The following LIMCH1 variants were observed in gnomAD, a reference collection of about 807,000 sequenced individuals.
LIMCH1 encodes LIM and calponin homology domains-containing protein 1.
LIMCH1 carries 113 observed loss-of-function variants against 176.5 expected under a neutral mutation model. The observed-to-expected ratio is 0.64, with a 90% CI of 0.55 to 0.75. The LOEUF is 0.75. Among genes scored for constraint, LIMCH1 ranks in the 30% least tolerant of loss-of-function variants. The pLI is 0.00. For missense variants in LIMCH1, 1,674 were observed against 1,814.9 expected (o/e 0.92, Z 1.41); for synonymous variants, 619 against 645.9 (o/e 0.96, Z 0.63).
intron 1 of LIMCH1, among the ~76,000 whole-genome samples, chr4:41,377,936 G>A (rs899303737): frequency 6.6e-6 from 1 of 152,170 alleles, no homozygotes; most frequent in African/African-American, 2.4e-5. Flanking sequence ...ACCTCCCAAA[G>A]GTTCTATTTT....
intron 1 of LIMCH1, among the ~76,000 whole-genome samples, chr4:41,460,939 A>G (rs1416297538): frequency 6.6e-6 from 1 of 152,128 alleles, no homozygotes; most frequent in African/African-American, 2.4e-5. Flanking sequence ...GTTGTTTTTA[A>G]TATTTTTTTA....
At chr4:41,462,958 C>T (rs1196550831) in intron 1 of LIMCH1, among the ~76,000 whole-genome samples, 1 of 151,890 alleles carries the variant, frequency 6.6e-6, no homozygotes, top group Non-Finnish European at 1.5e-5. Flanking sequence ...ACACATTGGT[C>T]TCTCATGTGT....
chr4:41,632,898 A>C (rs1180904632), intron 11 of LIMCH1, 31 bp downstream of exon 11: 2 of 1,526,908 alleles, frequency 1.3e-6, no homozygotes, highest in Non-Finnish European at 1.8e-6. Flanking sequence ...CCTTCCCGGG[A>C]GGTGAAGGAG....
chr4:41,406,246 T>C lies in LIMCH1; in HGVS notation c.96+45310T>C, dbSNP rs372157204. ...CCACTTTATAGACCTGTTCTGACTCTGGTCTAAGGACATTACTTGATTTAT... is the reference window on the plus strand; with the variant it reads ...CCACTTTATAGACCTGTTCTGACTCCGGTCTAAGGACATTACTTGATTTAT... On this transcript the variant is annotated intron_variant, in intron 1 of 26. Transcript: ENST00000313860. Among the ~76,000 whole-genome samples the C allele has an allele frequency of 7.9e-5, 12 of 152,368 alleles. No homozygotes were observed. In the South Asian group the frequency reaches 2.5e-3, roughly 32 times the overall value.
Position 41,451,208 on chromosome 4 carries a change from C to T in LIMCH1, c.97-43328C>T, listed in dbSNP as rs536829555. Among the ~76,000 whole-genome samples, 360 of 152,152 alleles carry T rather than the reference C, an allele frequency of 2.4e-3. 5 individuals carry two copies. Among genetic ancestry groups the T allele is most frequent in the Non-Finnish European group, 2.8e-3 (189 of 68,006 alleles). The stretch of plus-strand genomic sequence containing the variant: ...TTGGCTCACCGCAACCTCCGCCTCC[C>T]GGGTTCAAGCTATTCTCCTGCCTCA... On this transcript the variant is annotated intron_variant, in intron 1 of 26. Transcript: ENST00000313860.
chr4:41,676,876 T>C (rs1377165893), intron 23 of LIMCH1, among the ~76,000 whole-genome samples: 1 of 152,084 alleles, frequency 6.6e-6, no homozygotes, highest in Non-Finnish European at 1.5e-5. Context: ...TGCTCTACCT[T>C]TGAGGGCTGG....
intron 1 of LIMCH1, among the ~76,000 whole-genome samples, chr4:41,457,680 G>A (rs1007319931): frequency 2.6e-5 from 4 of 152,164 alleles, no homozygotes; most frequent in South Asian, 2.1e-4. Flanking sequence ...CATCCCTAAC[G>A]AAGGTGAAGG....
At chr4:41,648,261 CT>C (rs960400490) in intron 17 of LIMCH1, among the ~76,000 whole-genome samples, 10 of 152,250 alleles carry the variant, frequency 6.6e-5, no homozygotes, top group Non-Finnish European at 1.3e-4. Context: ...TAGATGTCCA[CT>C]TTCCCTCCTT....
intron 1 of LIMCH1, among the ~76,000 whole-genome samples, chr4:41,380,074 G>A (rs916494143): frequency 2.0e-5 from 3 of 152,120 alleles, no homozygotes; most frequent in African/African-American, 7.2e-5. Flanking sequence ...CAAAGTGCTA[G>A]GATTACAGGT....
At chr4:41,582,670 A>G (rs1186999863) in intron 1 of LIMCH1, among the ~76,000 whole-genome samples, 1 of 152,194 alleles carries the variant, frequency 6.6e-6, no homozygotes, top group African/African-American at 2.4e-5. Context: ...TAATAATAGT[A>G]TCTACCTCAT....
chr4:41,565,199 G>T (rs895525109), intron 1 of LIMCH1, among the ~76,000 whole-genome samples: 26 of 152,060 alleles, frequency 1.7e-4, no homozygotes, highest in Non-Finnish European at 3.5e-4. Context: ...TATTGGAGTG[G>T]TTTTCTTTTC....
At chr4:41,440,580 T>G (rs2062593077) in intron 1 of LIMCH1, among the ~76,000 whole-genome samples, 1 of 152,226 alleles carries the variant, frequency 6.6e-6, no homozygotes, top group Non-Finnish European at 1.5e-5. Context: ...GCTCCCAGGC[T>G]GGAGTGCAGT....
intron 1 of LIMCH1, among the ~76,000 whole-genome samples, chr4:41,473,620 G>A (rs2067309173): frequency 6.6e-6 from 1 of 152,092 alleles, no homozygotes; most frequent in Admixed American, 6.5e-5. Context: ...GAAAACATAG[G>A]GGAAAACTCC....
intron 1 of LIMCH1, among the ~76,000 whole-genome samples, chr4:41,437,401 T>G (rs1214896494): frequency 6.6e-6 from 1 of 152,218 alleles, no homozygotes; most frequent in Admixed American, 6.5e-5. Flanking sequence ...TGTTGCTGAT[T>G]GAGAGTGAGA....
chr4:41,538,555 CT>C (rs60418235), intron 1 of LIMCH1, among the ~76,000 whole-genome samples: 3,070 of 142,936 alleles, frequency 0.021, 65 homozygotes, highest in Admixed American at 0.076. Flanking sequence ...TTTAATTAAG[CT>C]TTTTTTTTTT....
Position 41,484,329 on chromosome 4 carries a change from T to C in LIMCH1, c.97-10207T>C, listed in dbSNP as rs116614950. On this transcript the variant is annotated intron_variant, in intron 1 of 26. Coordinates refer to the LIMCH1 transcript ENST00000313860. ...CATTTTGGTCTTACACCTTTTACACTGACTGACATAAAACAGGAATTTGGT... is the reference window on the plus strand; with the variant it reads ...CATTTTGGTCTTACACCTTTTACACCGACTGACATAAAACAGGAATTTGGT... Among the ~76,000 whole-genome samples the C allele has an allele frequency of 3.7e-3, 569 of 152,362 alleles. 3 individuals are homozygous for C. Among genetic ancestry groups the C allele is most frequent in the African/African-American group, 0.013 (540 of 41,588 alleles).
At chr4:41,403,655 T>G (rs943837015) in intron 1 of LIMCH1, among the ~76,000 whole-genome samples, 44 of 152,184 alleles carry the variant, frequency 2.9e-4, no homozygotes, top group African/African-American at 1.0e-3. Flanking sequence ...AGTAATAACT[T>G]TGTAATTTCC....
rs1561943442 is a variant in LIMCH1 at position 41,619,284 on chromosome 4, C to T, written c.302C>T (p.Pro101Leu). 5 of 1,614,146 alleles carry T rather than the reference C, an allele frequency of 3.1e-6. No homozygotes were observed. The highest frequency in any genetic ancestry group is 2.2e-5 in the East Asian group (1 of 44,878). ...GCACGGCGGACTTCCCATGGTGAGC[C>T]GAAATCAGCAGTGCCTTTTAACCAG... ...MSARRTSHGE[P>L]KSAVPFNQYL... The change falls in exon 6 of 32, where the codon CCG becomes CTG. Residue 101 changes from proline to leucine, a missense_variant. This residue lies in a region of LIMCH1 where 655 missense variants were observed against 692.2 expected (regional missense o/e 0.95). Transcript: ENST00000503057.
chr4:41,488,643 A>G (rs563748865), intron 1 of LIMCH1, among the ~76,000 whole-genome samples: 14 of 152,300 alleles, frequency 9.2e-5, no homozygotes, highest in African/African-American at 3.4e-4. Flanking sequence ...TTTTGTAACA[A>G]AAAGTCTTGT....
Sources: gnomAD v4.1 joint callset for allele counts (sites outside exome capture counted in the v4.1 genomes callset) on GRCh38, gnomAD v4.1.1 for gene constraint, gnomAD v4.1.1 regional missense constraint, MANE v1.5 for transcripts, NCBI Gene and HGNC (gene_info 2026-07-23, HGNC 2026-07-21) for gene names.